Variants in FRS2 observed in about 807,000 individuals in gnomAD.
FRS2 encodes the protein fibroblast growth factor receptor substrate 2.
In FRS2, 8 loss-of-function variants were observed where a neutral mutation model predicts 43.9. The observed-to-expected ratio is 0.18, with a 90% CI of 0.11 to 0.33. The LOEUF is 0.33. FRS2 is among the 10% of genes least tolerant of loss of function. The pLI is 1.00. For synonymous variants in FRS2, 219 were observed against 220.3 expected (o/e 0.99, Z 0.05); for missense variants, 534 against 627.6 (o/e 0.85, Z 1.59).
intron 3 of FRS2, among the ~76,000 whole-genome samples, chr12:69,554,059 C>G (rs1017223624): frequency 3.9e-5 from 6 of 152,150 alleles, no homozygotes; most frequent in African/African-American, 1.4e-4. Context: ...ATTAGAGTTT[C>G]CCTACTTAAA....
At chr12:69,557,923 G>C (rs1879564997) in intron 3 of FRS2, 1 of 151,364 alleles carries the variant, frequency 6.6e-6, no homozygotes, top group Non-Finnish European at 1.5e-5. Flanking sequence ...TAGTTTTTTA[G>C]CAAACTATTT....
At chr12:69,481,737 T>C (rs1380894733) in intron 1 of FRS2, among the ~76,000 whole-genome samples, 2 of 152,300 alleles carry the variant, frequency 1.3e-5, no homozygotes, top group East Asian at 3.9e-4. Flanking sequence ...GGTCATTTAT[T>C]TTACGGAAGG....
At chr12:69,538,725 A>G (rs549272440) in intron 3 of FRS2, among the ~76,000 whole-genome samples, 2 of 152,230 alleles carry the variant, frequency 1.3e-5, no homozygotes, top group Non-Finnish European at 2.9e-5. Flanking sequence ...CAAAAATGGC[A>G]TGTGTTAAGT....
In FRS2 at chr12:69,485,133, A is replaced by G. The variant is rs1414164303; in HGVS notation, c.-261+14603A>G. ...CACACACACACACACACACACACAC[A>G]CACTCTCACCCCCCTAAAACTCTTA... On this transcript the variant is annotated intron_variant, in intron 1 of 8. Transcript: ENST00000549921. 6.1e-5 allele frequency among the ~76,000 whole-genome samples: 9 copies of G among 146,882 alleles called. 1 individual carries two copies. In the East Asian group the frequency reaches 1.4e-3, roughly 23 times the overall value.
intron 3 of FRS2, among the ~76,000 whole-genome samples, chr12:69,534,687 G>A (rs1877110169): frequency 1.3e-5 from 2 of 152,186 alleles, no homozygotes; most frequent in African/African-American, 4.8e-5. Flanking sequence ...CTAATCACAT[G>A]CTCACAAAGT....
At chr12:69,540,110 G>A (rs1439538015) in intron 3 of FRS2, among the ~76,000 whole-genome samples, 2 of 151,726 alleles carry the variant, frequency 1.3e-5, no homozygotes, top group African/African-American at 4.8e-5. Flanking sequence ...AAAATTAGCT[G>A]GGTGTGGTGG....
At chr12:69,554,718 G>GT (rs1489088210) in intron 3 of FRS2, among the ~76,000 whole-genome samples, 4 of 152,100 alleles carry the variant, frequency 2.6e-5, no homozygotes, top group Admixed American at 2.0e-4. Flanking sequence ...GTTTGTTGTT[G>GT]TTTTGAGACA....
chr12:69,473,861 T>G (rs1178972999), intron 1 of FRS2, among the ~76,000 whole-genome samples: 1 of 152,122 alleles, frequency 6.6e-6, no homozygotes, highest in African/African-American at 2.4e-5. Flanking sequence ...CTTTTGTTTT[T>G]GAGACAGAGT....
chr12:69,474,157 A>G (rs962959507), intron 1 of FRS2, among the ~76,000 whole-genome samples: 5 of 152,124 alleles, frequency 3.3e-5, no homozygotes, highest in African/African-American at 1.2e-4. Flanking sequence ...TACACTTTTT[A>G]AGTGTCGGAG....
chr12:69,503,541 C>T (rs1289304897), intron 1 of FRS2, among the ~76,000 whole-genome samples: 1 of 152,100 alleles, frequency 6.6e-6, no homozygotes, highest in Non-Finnish European at 1.5e-5. Context: ...GTGATGCAGT[C>T]GCCTCTTGTG....
At chr12:69,533,056 T>C (rs1389140827) in intron 3 of FRS2, among the ~76,000 whole-genome samples, 1 of 152,204 alleles carries the variant, frequency 6.6e-6, no homozygotes, top group Non-Finnish European at 1.5e-5. Flanking sequence ...TAGGATTGGC[T>C]TTAGGTTCTT....
At chr12:69,541,611 A>G (rs7134736) in intron 3 of FRS2, among the ~76,000 whole-genome samples, 13,036 of 152,006 alleles carry the variant, frequency 0.086, 1,139 homozygotes, top group East Asian at 0.37. Flanking sequence ...GGATCACTTG[A>G]GCCTGGGAGT....
intron 3 of FRS2, among the ~76,000 whole-genome samples, chr12:69,542,024 C>T (rs973391453): frequency 3.9e-5 from 6 of 152,054 alleles, no homozygotes; most frequent in East Asian, 1.9e-4. Context: ...CTCACACACT[C>T]GAAAGATGAT....
At chr12:69,543,495 GAA>G (rs1878098093) in intron 3 of FRS2, among the ~76,000 whole-genome samples, 1 of 152,190 alleles carries the variant, frequency 6.6e-6, no homozygotes, top group Non-Finnish European at 1.5e-5. Flanking sequence ...GCATTGGAGT[GAA>G]GAGCTAGGGA....
chr12:69,547,552 C>T (rs189566065), intron 3 of FRS2, among the ~76,000 whole-genome samples: 2 of 152,070 alleles, frequency 1.3e-5, no homozygotes, highest in Non-Finnish European at 1.5e-5. Context: ...GTAGAAAATG[C>T]AATTAAATCT....
chr12:69,577,015 T>C lies in FRS2; in HGVS notation c.*2060T>C, dbSNP rs1431695182. On this transcript the variant is annotated 3_prime_UTR_variant, in exon 9 of 9. Transcript: ENST00000549921. Reference sequence around the variant, plus strand: ...ATTATGATGGAACCATTGCACATTTTTTTCTGAAACAGCCAGTCAAGGCAG... The same window carrying C: ...ATTATGATGGAACCATTGCACATTTCTTTCTGAAACAGCCAGTCAAGGCAG... The C allele has an allele frequency of 6.6e-6, 1 of 152,634 alleles. No homozygotes were observed. The highest frequency in any genetic ancestry group is 2.4e-5 in the African/African-American group (1 of 41,432). The allele number at this position is 152,634 out of a possible 1,614,324, so 9.5% of individuals were successfully genotyped here.
intron 1 of FRS2, among the ~76,000 whole-genome samples, chr12:69,492,762 C>T (rs192418286): frequency 2.6e-5 from 4 of 152,196 alleles, no homozygotes; most frequent in African/African-American, 9.6e-5. Flanking sequence ...TTATAGTCCA[C>T]TTAGTTTAGA....
At chr12:69,509,632 A>G (rs555322) in intron 1 of FRS2, among the ~76,000 whole-genome samples, 14,182 of 151,812 alleles carry the variant, frequency 0.093, 871 homozygotes, top group Non-Finnish European at 0.14. Flanking sequence ...CCATTATTCT[A>G]CTTTCTGTCT....
rs1555192498 is a variant in FRS2, at chr12:69,557,619, T to TGTGTGTGTGTGTGTGCGCGC, written c.-121-4560_-121-4559insTGTGTGTGTGTGTGCGCGCG. On this transcript the variant is annotated intron_variant, in intron 3 of 8. Transcript: ENST00000549921. ...TTGTGTGTGTGTGTGTGTGTGTGTG[T>TGTGTGTGTGTGTGTGCGCGC]GCGCGCGCGCGCGCGCGCAGGTGCA... is the stretch of plus-strand genomic sequence containing the variant. Among the ~76,000 whole-genome samples the TGTGTGTGTGTGTGTGCGCGC allele has an allele frequency of 1.6e-4, 19 of 119,024 alleles. No individual in the cohort carries two copies. In the East Asian group the frequency reaches 2.2e-3, roughly 14 times the overall value. 78.1% of individuals were successfully genotyped at this position (119,024 alleles called of 152,430 possible). A position where few individuals can be genotyped will look rare whatever the true frequency, so the allele number is the denominator to read the frequency against.
Sources: allele counts gnomAD v4.1 joint callset (sites outside exome capture counted in the v4.1 genomes callset), GRCh38; gene constraint gnomAD v4.1.1; transcripts MANE v1.5; gene names NCBI Gene and HGNC (gene_info 2026-07-23, HGNC 2026-07-21).